The following SNU13 variants were observed in gnomAD, a reference collection of about 807,000 sequenced individuals.
The protein encoded by SNU13 is NHP2-like protein 1.
Under a neutral mutation model 12.4 loss-of-function variants are expected in SNU13, and 2 were observed. The observed-to-expected ratio is 0.16, with a 90% CI of 0.07 to 0.51. SNU13 has a LOEUF of 0.51. Ranked by LOEUF, SNU13 falls within the 20% of genes least tolerant of loss-of-function variation. The pLI, the probability that SNU13 is intolerant of heterozygous loss-of-function variation, is 0.96. For missense variants in SNU13, 66 were observed against 157.8 expected (o/e 0.42, Z 3.12); for synonymous variants, 68 against 66.5 (o/e 1.02, Z -0.11).
intron 2 of SNU13, among the ~76,000 whole-genome samples, chr22:41,678,461 G>A (rs942073921): frequency 5.9e-5 from 9 of 152,140 alleles, no homozygotes; most frequent in Non-Finnish European, 1.3e-4. Flanking sequence ...GCAGAAGTAC[G>A]GAAAATTGTT....
At chr22:41,680,696 T>C (rs918863225) in intron 1 of SNU13, among the ~76,000 whole-genome samples, 5 of 152,156 alleles carry the variant, frequency 3.3e-5, no homozygotes, top group Non-Finnish European at 5.9e-5. Context: ...GGCTAATCCA[T>C]TTCTGTTTTT....
At chr22:41,682,686 A>G (rs943234286) in intron 1 of SNU13, 16 of 651,198 alleles carry the variant, frequency 2.5e-5, no homozygotes, top group Non-Finnish European at 3.3e-5. Flanking sequence ...TTCCTCATAC[A>G]TTTATTTATT....
At chr22:41,682,556 T>C in intron 1 of SNU13, 7 of 1,459,894 alleles carry the variant, frequency 4.8e-6, no homozygotes, top group Non-Finnish European at 6.3e-6. Flanking sequence ...TAACTCCTTA[T>C]CTTAGGCGAA....
At chr22:41,686,886 A>G (rs1308494215) in intron 1 of SNU13, among the ~76,000 whole-genome samples, 1 of 151,900 alleles carries the variant, frequency 6.6e-6, no homozygotes, top group Non-Finnish European at 1.5e-5. Flanking sequence ...CAGCCTCCCA[A>G]AGTGCTGGGA....
In SNU13 at chr22:41,679,079, G is replaced by A. The variant is rs113633852; in HGVS notation, c.124+1165C>T. Among the ~76,000 whole-genome samples, 738 of 152,090 alleles carry A rather than the reference G, an allele frequency of 4.9e-3. 6 individuals carry two copies. Among genetic ancestry groups the A allele is most frequent in the South Asian group, 7.7e-3 (37 of 4,814 alleles). On this transcript the variant is annotated intron_variant, in intron 2 of 2. Coordinates refer to ENST00000401959, the MANE Select transcript of SNU13 (RefSeq NM_001003796.2). Reference sequence around the variant, plus strand: ...TTAAGACCAGCCTGGGCGACAGAGCGAGATTCTGTCTCCAAAAAAATAAAA... The same window carrying A: ...TTAAGACCAGCCTGGGCGACAGAGCAAGATTCTGTCTCCAAAAAAATAAAA...
At chr22:41,679,589 A>G (rs1008964580) in intron 2 of SNU13, 1 of 152,054 alleles carries the variant, frequency 6.6e-6, no homozygotes, top group African/African-American at 2.4e-5. Flanking sequence ...AAATAAAATT[A>G]AAAAAATAAT....
intron 2 of SNU13, among the ~76,000 whole-genome samples, chr22:41,677,925 C>T (rs2068227854): frequency 6.6e-6 from 1 of 152,136 alleles, no homozygotes; most frequent in African/African-American, 2.4e-5. Flanking sequence ...TCTAAAAAGA[C>T]CCACCACTGC....
At chr22:41,689,141 C>A (rs984552528), upstream of SNU13, 1 of 1,021,172 alleles carries the variant, frequency 9.8e-7, no homozygotes, top group Admixed American at 5.3e-5. Flanking sequence ...GCGGGCGCAT[C>A]ACCTGAGGAC....
intron 1 of SNU13, among the ~76,000 whole-genome samples, chr22:41,685,367 T>C (rs1053153896): frequency 6.6e-6 from 1 of 151,748 alleles, no homozygotes. Context: ...ATTTTTTATT[T>C]TTTGAGACGG....
intron 1 of SNU13, chr22:41,682,411 C>A (rs530373818): frequency 3.7e-6 from 6 of 1,613,188 alleles, no homozygotes; most frequent in South Asian, 1.1e-5. Context: ...CCACGCGTGT[C>A]GGTTTGGACG....
chr22:41,682,290 CCA>C (rs1569109262), intron 1 of SNU13: 1 of 1,516,638 alleles, frequency 6.6e-7, no homozygotes, highest in Admixed American at 1.7e-5. Flanking sequence ...CACAGCGGGA[CCA>C]CGCTCGCGGC....
Position 41,679,427 on chromosome 22 carries a change from A to G in SNU13, c.124+817T>C, listed in dbSNP as rs762164145. On this transcript the variant is annotated intron_variant, in intron 2 of 2. Coordinates refer to ENST00000401959, the MANE Select transcript of SNU13 (RefSeq NM_001003796.2). Reference sequence around the variant, plus strand: ...CAAAATTAGCTGGACGTGGTGGTGCATGCCTGTAATCCCAGCTACTTGGGA... The same window carrying G: ...CAAAATTAGCTGGACGTGGTGGTGCGTGCCTGTAATCCCAGCTACTTGGGA... Among the ~76,000 whole-genome samples, 200 of 152,180 alleles carry G rather than the reference A, an allele frequency of 1.3e-3. 1 individual carries two copies. Among genetic ancestry groups the G allele is most frequent in the Admixed American group, 1.6e-3 (25 of 15,264 alleles).
At chr22:41,681,285 G>A (rs1257092813) in intron 1 of SNU13, 2 of 152,188 alleles carry the variant, frequency 1.3e-5, no homozygotes, top group Admixed American at 6.5e-5. Flanking sequence ...CCAGTGGCAG[G>A]ACTTTGTTCA....
At chr22:41,683,610 C>T (rs12159385) in intron 1 of SNU13, among the ~76,000 whole-genome samples, 5 of 152,250 alleles carry the variant, frequency 3.3e-5, no homozygotes, top group African/African-American at 1.2e-4. Flanking sequence ...TATACCTAAT[C>T]TATATTATGT....
At chr22:41,684,765 C>T (rs2068296686) in intron 1 of SNU13, among the ~76,000 whole-genome samples, 1 of 152,156 alleles carries the variant, frequency 6.6e-6, no homozygotes, top group Non-Finnish European at 1.5e-5. Context: ...ATCCCACCAA[C>T]TTGGGAAACT....
Position 41,682,509 on chromosome 22 carries a change from G to C in SNU13, c.4-2145C>G, listed in dbSNP as rs559115526. Reference sequence around the variant, plus strand: ...CTGCCGCCAGCGGAAGTGACGTCCAGGGCCAGCCCGTACACCAGGACGCCC... The same window carrying C: ...CTGCCGCCAGCGGAAGTGACGTCCACGGCCAGCCCGTACACCAGGACGCCC... On this transcript the variant is annotated intron_variant, in intron 1 of 2. Coordinates refer to ENST00000401959, the MANE Select transcript of SNU13 (RefSeq NM_001003796.2). 5.8e-5 allele frequency: 90 copies of C among 1,544,642 alleles called. No homozygotes were observed. The African/African-American group carries it at 1.1e-3, about 18-fold the overall frequency.
intron 1 of SNU13, chr22:41,681,523 TAGA>T (rs2068262663): frequency 6.6e-6 from 1 of 152,188 alleles, no homozygotes; most frequent in East Asian, 1.9e-4. Flanking sequence ...GGTAACCAGG[TAGA>T]AGATGAGAAG....
rs981843157 is a variant in SNU13, at chr22:41,674,958, T to C, written c.362A>G (p.Gln121Arg). 3.7e-6 allele frequency: 6 copies of C among 1,613,902 alleles called. No homozygotes were observed. Among genetic ancestry groups the C allele is most frequent in the Non-Finnish European group, 5.1e-6 (6 of 1,179,978 alleles). ...TTAGACTAAGAGCCTTTCAATGGACTGCTGAATGGATTGGATCTGCTGTTT... is the reference window on the plus strand; with the variant it reads ...TTAGACTAAGAGCCTTTCAATGGACCGCTGAATGGATTGGATCTGCTGTTT... Reference protein sequence around the residue: ...QLKQQIQSIQQSIERLLV With the variant: ...QLKQQIQSIQRSIERLLV Residue 121 changes from glutamine to arginine, a missense_variant, in exon 3 of 3, where the codon CAG (glutamine) becomes CGG (arginine). Physicochemically the swap from Gln to Arg is conservative, Grantham distance 43 (BLOSUM62 1). Coordinates refer to ENST00000401959, the MANE Select transcript of SNU13 (RefSeq NM_001003796.2).
chr22:41,678,459 A>G (rs1173214302), intron 2 of SNU13, among the ~76,000 whole-genome samples: 2 of 152,220 alleles, frequency 1.3e-5, no homozygotes, highest in African/African-American at 4.8e-5. Flanking sequence ...AGGCAGAAGT[A>G]CGGAAAATTG....
Sources: gnomAD v4.1 joint callset for allele counts (sites outside exome capture counted in the v4.1 genomes callset) on GRCh38, gnomAD v4.1.1 for gene constraint, MANE v1.5 for transcripts, NCBI Gene and HGNC (gene_info 2026-07-23, HGNC 2026-07-21) for gene names.